Variants in CDH12 observed in about 807,000 individuals in gnomAD.
CDH12 encodes cadherin 12, also known as cadherin-12.
In CDH12, 41 loss-of-function variants were observed where a neutral mutation model predicts 74.1. The ratio of observed to expected loss-of-function variants is 0.55; its 90% CI spans 0.43 to 0.72. The LOEUF is 0.72. Among genes scored for constraint, CDH12 ranks in the 30% least tolerant of loss-of-function variants. CDH12 has a pLI of 0.00. For missense variants in CDH12, 945 were observed against 977.2 expected (o/e 0.97, Z 0.44); for synonymous variants, 399 against 355.0 (o/e 1.12, Z -1.39).
At chr5:22,700,994 T>C (rs1487405) in intron 1 of CDH12, among the ~76,000 whole-genome samples, 95,691 of 151,998 alleles carry the variant, frequency 0.63, 30,369 homozygotes, top group Admixed American at 0.71. Context: ...ACTCTTCCTT[T>C]ATTTTACCAG....
At chr5:22,297,817 C>T (rs1469436463) in intron 3 of CDH12, among the ~76,000 whole-genome samples, 1 of 152,054 alleles carries the variant, frequency 6.6e-6, no homozygotes, top group Non-Finnish European at 1.5e-5. Context: ...AAATTCTGAA[C>T]TCCATCTTTT....
chr5:22,831,653 T>G lies in CDH12; in HGVS notation c.-523+21405A>C, dbSNP rs1228070354. The stretch of plus-strand genomic sequence containing the variant: ...GGGTCACACCTGTAATCCCAGCACA[T>G]TGGGAGCCCGAGGCGGGTGGATCAC... On this transcript the variant is annotated intron_variant, in intron 1 of 14. Coordinates refer to ENST00000382254, the MANE Select transcript of CDH12 (RefSeq NM_004061.5). Among the ~76,000 whole-genome samples the G allele has an allele frequency of 3.3e-5, 5 of 152,068 alleles. No homozygotes were observed. In the South Asian group the frequency reaches 1.0e-3, roughly 32 times the overall value.
At chr5:22,206,212 T>G (rs1418622261) in intron 4 of CDH12, among the ~76,000 whole-genome samples, 1 of 151,982 alleles carries the variant, frequency 6.6e-6, no homozygotes, top group Non-Finnish European at 1.5e-5. Context: ...GAGCAGCATT[T>G]CTCATCACCA....
At chr5:22,493,852 G>C (rs1280418597) in intron 2 of CDH12, among the ~76,000 whole-genome samples, 1 of 152,162 alleles carries the variant, frequency 6.6e-6, no homozygotes, top group African/African-American at 2.4e-5. Flanking sequence ...TGTAATGTTA[G>C]ATACAGATAA....
chr5:22,308,809 A>AACACATACACACAC (rs1554030189), intron 3 of CDH12, among the ~76,000 whole-genome samples: 38 of 85,378 alleles, frequency 4.5e-4, no homozygotes, highest in Non-Finnish European at 4.9e-4. Context: ...CAAATACACA[A>AACACATACACACAC]ACACACACAC....
intron 5 of CDH12, among the ~76,000 whole-genome samples, chr5:21,980,277 C>A: frequency 6.6e-6 from 1 of 151,496 alleles, no homozygotes; most frequent in Non-Finnish European, 1.5e-5. Flanking sequence ...TTTTGTAGTA[C>A]CTAATTCTTG....
intron 10 of CDH12, among the ~76,000 whole-genome samples, chr5:21,797,136 G>A (rs766739181): frequency 4.7e-4 from 71 of 151,898 alleles, no homozygotes; most frequent in Non-Finnish European, 8.5e-4. Flanking sequence ...TCTTCAAAAC[G>A]GGCTCAGTCC....
At chr5:22,074,531 A>G (rs1742173393) in intron 5 of CDH12, among the ~76,000 whole-genome samples, 1 of 152,212 alleles carries the variant, frequency 6.6e-6, no homozygotes, top group Non-Finnish European at 1.5e-5. Flanking sequence ...CAGACAACCT[A>G]CAGAATGGGA....
intron 11 of CDH12, among the ~76,000 whole-genome samples, chr5:21,767,874 A>G (rs1447767756): frequency 6.6e-6 from 1 of 151,754 alleles, no homozygotes; most frequent in African/African-American, 2.4e-5. Flanking sequence ...TGAAATTTTC[A>G]CAAGAATGAA....
intron 2 of CDH12, among the ~76,000 whole-genome samples, chr5:22,494,870 A>C (rs1747037190): frequency 2.6e-5 from 4 of 152,296 alleles, no homozygotes; most frequent in Admixed American, 1.3e-4. Flanking sequence ...AATTCAATTT[A>C]AGGTGTAGTG....
intron 6 of CDH12, among the ~76,000 whole-genome samples, chr5:21,880,577 TTCCTTCC>T (rs1752227084): frequency 2.5e-5 from 1 of 40,542 alleles, no homozygotes; most frequent in African/African-American, 1.0e-4. Context: ...CTTTCTTTCC[TTCCTTCC>T]TTCCTTCCTT....
At chr5:22,092,073 G>A (rs1743466973) in intron 4 of CDH12, among the ~76,000 whole-genome samples, 1 of 150,892 alleles carries the variant, frequency 6.6e-6, no homozygotes, top group Non-Finnish European at 1.5e-5. Flanking sequence ...ATGATCCTGG[G>A]GCAATTGGAT....
At chr5:21,852,698 C>A (rs2149998457) in intron 7 of CDH12, among the ~76,000 whole-genome samples, 1 of 151,420 alleles carries the variant, frequency 6.6e-6, no homozygotes, top group East Asian at 1.9e-4. Context: ...TATAAACTCA[C>A]CTACTTTATA....
intron 1 of CDH12, among the ~76,000 whole-genome samples, chr5:22,849,343 G>A (rs1168787415): frequency 6.6e-6 from 1 of 152,022 alleles, no homozygotes; most frequent in Admixed American, 6.6e-5. Context: ...CGGTGCATCA[G>A]GACTCTCATC....
chr5:21,770,699 C>T (rs1271352456), intron 11 of CDH12, among the ~76,000 whole-genome samples: 2 of 151,966 alleles, frequency 1.3e-5, no homozygotes, highest in East Asian at 1.9e-4. Context: ...ACCCAGCAAT[C>T]CCGTTATTGG....
At chr5:22,169,716 G>A (rs1748907512) in intron 4 of CDH12, among the ~76,000 whole-genome samples, 1 of 151,886 alleles carries the variant, frequency 6.6e-6, no homozygotes, top group Non-Finnish European at 1.5e-5. Context: ...CACTGACTAA[G>A]CACAAAGCTA....
chr5:21,837,564 G>T (rs1240041451), intron 8 of CDH12, among the ~76,000 whole-genome samples: 1 of 149,722 alleles, frequency 6.7e-6, no homozygotes, highest in Non-Finnish European at 1.5e-5. Context: ...AATAGATTTT[G>T]TTGACTTCCA....
At chr5:22,671,587 A>G (rs1478504388) in intron 1 of CDH12, among the ~76,000 whole-genome samples, 1 of 152,262 alleles carries the variant, frequency 6.6e-6, no homozygotes, top group East Asian at 1.9e-4. Context: ...TGTATCCCAC[A>G]GGGAACAAAA....
intron 5 of CDH12, among the ~76,000 whole-genome samples, chr5:22,003,323 G>A (rs575675549): frequency 1.2e-4 from 18 of 152,214 alleles, no homozygotes; most frequent in Non-Finnish European, 2.1e-4. Flanking sequence ...ATCTGTCACC[G>A]TTAATTTCTT....
Sources: gnomAD v4.1 joint callset for allele counts (sites outside exome capture counted in the v4.1 genomes callset) on GRCh38, gnomAD v4.1.1 for gene constraint, MANE v1.5 for transcripts, NCBI Gene and HGNC (gene_info 2026-07-23, HGNC 2026-07-21) for gene names.